Variants in RFX3 observed in about 807,000 individuals in gnomAD.
RFX3 encodes regulatory factor X3, also known as transcription factor RFX3.
In RFX3, 14 loss-of-function variants were observed where a neutral mutation model predicts 98.6. The observed-to-expected ratio is 0.14, with a 90% CI of 0.09 to 0.22. RFX3 has a LOEUF of 0.22. Ranked by LOEUF, RFX3 falls within the 10% of genes least tolerant of loss-of-function variation. RFX3 has a pLI of 1.00. For missense variants in RFX3, 639 were observed against 926.9 expected, an observed-to-expected ratio of 0.69 and a Z score of 4.03; for synonymous variants, 383 against 328.4, an observed-to-expected ratio of 1.17 and a Z score of -1.80.
At chr9:3,419,714 A>G (rs1331361754) in intron 1 of RFX3, among the ~76,000 whole-genome samples, 1 of 152,224 alleles carries the variant, frequency 6.6e-6, no homozygotes, top group African/African-American at 2.4e-5. Context: ...CTAGTCCCTC[A>G]TATAAAATTC....
At chr9:3,510,051 C>T (rs1398337707) in intron 1 of RFX3, among the ~76,000 whole-genome samples, 1 of 151,906 alleles carries the variant, frequency 6.6e-6, no homozygotes, top group Non-Finnish European at 1.5e-5. Flanking sequence ...TATATTTGGG[C>T]CATTTGGAAA....
intron 4 of RFX3, among the ~76,000 whole-genome samples, chr9:3,316,858 G>A (rs944641468): frequency 5.9e-5 from 9 of 152,088 alleles, no homozygotes; most frequent in Admixed American, 6.6e-5. Flanking sequence ...ACTGCTCAAC[G>A]AAATAAAAGA....
intron 2 of RFX3, among the ~76,000 whole-genome samples, chr9:3,370,971 C>G (rs1363334077): frequency 6.6e-6 from 1 of 151,944 alleles, no homozygotes; most frequent in Non-Finnish European, 1.5e-5. Context: ...TAATTAAAAG[C>G]AAAGACTCTT....
chr9:3,234,469 T>C (rs1385455854), intron 15 of RFX3, among the ~76,000 whole-genome samples: 1 of 152,094 alleles, frequency 6.6e-6, no homozygotes, highest in Non-Finnish European at 1.5e-5. Context: ...CAAAACCCCA[T>C]CTCTACAAAA....
chr9:3,296,129 G>C (rs1244475121), intron 5 of RFX3, among the ~76,000 whole-genome samples: 1 of 151,604 alleles, frequency 6.6e-6, no homozygotes, highest in Admixed American at 6.6e-5. Context: ...ATATTTGAAG[G>C]ATACTGTAAA....
chr9:3,349,024 T>C (rs893534974), intron 2 of RFX3, among the ~76,000 whole-genome samples: 1 of 152,194 alleles, frequency 6.6e-6, no homozygotes, highest in African/African-American at 2.4e-5. Flanking sequence ...GCTAGGATGC[T>C]ATTCATATTT....
At chr9:3,522,560 T>TGTGTGC (rs1818827704) in intron 1 of RFX3, among the ~76,000 whole-genome samples, 1 of 115,824 alleles carries the variant, frequency 8.6e-6, no homozygotes, top group Non-Finnish European at 1.6e-5. Context: ...TGTGTGCGTG[T>TGTGTGC]GTGTGTGTGT....
At chr9:3,248,208 T>C (rs372980488) in intron 14 of RFX3, 23 bp from the exon 15 acceptor site, 26 of 1,574,772 alleles carry the variant, frequency 1.7e-5, no homozygotes, top group African/African-American at 1.4e-4. Context: ...AAAAGACAAA[T>C]ATGCAGCTAA....
chr9:3,465,458 C>T (rs995771702), intron 1 of RFX3, among the ~76,000 whole-genome samples: 1 of 129,664 alleles, frequency 7.7e-6, no homozygotes, highest in Non-Finnish European at 1.6e-5. Flanking sequence ...GCCCAGGTAA[C>T]TTTTTTTTTT....
chr9:3,301,508 A>T, intron 5 of RFX3, 38 bp downstream of exon 5: 1 of 1,405,162 alleles, frequency 7.1e-7, no homozygotes, highest in Non-Finnish European at 1.0e-6. Flanking sequence ...ATGCAGAACA[A>T]GCAAGAGATT....
intron 7 of RFX3, 59 bp from the exon 8 acceptor site, chr9:3,277,520 T>C (rs1009806042): frequency 6.9e-7 from 1 of 1,439,200 alleles, no homozygotes; most frequent in Non-Finnish European, 9.7e-7. Flanking sequence ...TTTTTTGTAC[T>C]ACCCGAAACT....
At chr9:3,296,031 G>C (rs988730246) in intron 5 of RFX3, among the ~76,000 whole-genome samples, 2 of 151,740 alleles carry the variant, frequency 1.3e-5, no homozygotes, top group South Asian at 4.2e-4. Flanking sequence ...GTAAAAATGA[G>C]AGCTTACTTA....
At chr9:3,346,788 T>C (rs764827722) in intron 2 of RFX3, 24 bp from the exon 3 acceptor site, 2 of 1,432,082 alleles carry the variant, frequency 1.4e-6, no homozygotes, top group East Asian at 2.3e-5. Context: ...ATTAGGACCT[T>C]GGTAAGAGGT....
chr9:3,453,158 T>C (rs1846823504), intron 1 of RFX3, among the ~76,000 whole-genome samples: 1 of 152,122 alleles, frequency 6.6e-6, no homozygotes, highest in Admixed American at 6.5e-5. Flanking sequence ...ATGGTCATTA[T>C]CAGTATAAAT....
chr9:3,277,190 C>A, intron 8 of RFX3, 150 bp downstream of exon 8: 1 of 640,400 alleles, frequency 1.6e-6, no homozygotes. Flanking sequence ...CAGACATGAA[C>A]TAGGACTGTT....
At chr9:3,365,130 T>C (rs1314594899) in intron 2 of RFX3, among the ~76,000 whole-genome samples, 1 of 151,774 alleles carries the variant, frequency 6.6e-6, no homozygotes, top group Non-Finnish European at 1.5e-5. Context: ...TGAAACCCCG[T>C]CTCTACTGAA....
chr9:3,296,562 T>C (rs1040250356), intron 5 of RFX3, among the ~76,000 whole-genome samples: 3 of 152,100 alleles, frequency 2.0e-5, no homozygotes, highest in Non-Finnish European at 2.9e-5. Flanking sequence ...CATATACATA[T>C]ATATTTATAT....
At chr9:3,295,561 G>A (rs993375860) in intron 5 of RFX3, among the ~76,000 whole-genome samples, 7 of 152,018 alleles carry the variant, frequency 4.6e-5, no homozygotes, top group African/African-American at 1.7e-4. Context: ...AATACTTTTT[G>A]AAACAGAGTA....
At chr9:3,363,970 G>A (rs1836763667) in intron 2 of RFX3, among the ~76,000 whole-genome samples, 1 of 152,226 alleles carries the variant, frequency 6.6e-6, no homozygotes, top group Non-Finnish European at 1.5e-5. Context: ...CCGCCTCCCG[G>A]ATTCAAGCAA....
Sources: allele counts gnomAD v4.1 joint callset (sites outside exome capture counted in the v4.1 genomes callset), GRCh38; gene constraint gnomAD v4.1.1; transcripts MANE v1.5; gene names NCBI Gene and HGNC (gene_info 2026-07-23, HGNC 2026-07-21).